Variants in CNIH1 observed in about 807,000 individuals in gnomAD.
CNIH1 encodes the protein protein cornichon homolog 1.
In CNIH1, 12 loss-of-function variants were observed where a neutral mutation model predicts 20.2. The ratio of observed to expected loss-of-function variants is 0.59; its 90% CI spans 0.38 to 0.96. CNIH1 has a LOEUF of 0.96. CNIH1 is among the 40% of genes least tolerant of loss of function. The pLI is 0.00. For missense variants in CNIH1, 152 were observed against 178.8 expected, an observed-to-expected ratio of 0.85 and a Z score of 0.85; for synonymous variants, 69 against 63.3, an observed-to-expected ratio of 1.09 and a Z score of -0.43.
intron 2 of CNIH1, among the ~76,000 whole-genome samples, chr14:54,433,843 T>C (rs2030996866): frequency 6.6e-6 from 1 of 152,180 alleles, no homozygotes; most frequent in Non-Finnish European, 1.5e-5. Context: ...AAAGTGTTAA[T>C]AAAGATAATC....
At chr14:54,439,553 TTTTTTTTTG>T (rs2031126352) in intron 1 of CNIH1, among the ~76,000 whole-genome samples, 1 of 140,124 alleles carries the variant, frequency 7.1e-6, no homozygotes, top group Admixed American at 7.0e-5. Flanking sequence ...TCTTTCTTTC[TTTTTTTTTG>T]TTTTTTTTTT....
Position 54,427,586 on chromosome 14 carries a change from T to C in CNIH1, c.*228A>G. ...GTCAACACCAGAGGTAATCATTTTATATTAATTTATACGTAATACCATTTA... is the reference window on the plus strand; with the variant it reads ...GTCAACACCAGAGGTAATCATTTTACATTAATTTATACGTAATACCATTTA... On this transcript the variant is annotated 3_prime_UTR_variant, in exon 5 of 5. Transcript: ENST00000216416. 1 of 527,820 alleles carries C rather than the reference T, an allele frequency of 1.9e-6. No homozygotes were observed. Among genetic ancestry groups the C allele is most frequent in the Admixed American group, 3.4e-5 (1 of 29,022 alleles). 32.7% of individuals were successfully genotyped at this position (527,820 alleles called of 1,614,324 possible).
At chr14:54,432,366 T>C in intron 2 of CNIH1, 146 bp from the exon 3 acceptor site, 1 of 503,790 alleles carries the variant, frequency 2.0e-6, no homozygotes, top group South Asian at 3.1e-5. Flanking sequence ...GAGTTTTATT[T>C]CCATGTTTAA....
intron 4 of CNIH1, 144 bp downstream of exon 4, chr14:54,430,117 T>C (rs2030904403): frequency 3.8e-6 from 3 of 779,642 alleles, no homozygotes; most frequent in Non-Finnish European, 6.1e-6. Context: ...ACACTGAATG[T>C]GTGCGAATTT....
rs2030961447 is a variant in CNIH1 at position 54,432,122 on chromosome 14, T to C, written c.249A>G (p.Ala83=). ...CTAAATATTACCTCCAAATATGATA[T>C]GCCAAGAGGGGCATATTGAGACCCA... ...LTLGLNMPLL[A]YHIWRYMSRP... is the part of the protein sequence containing the mutation. Residue 83 remains alanine, a synonymous_variant, in exon 3 of 5, where the codon GCA becomes GCG. Coordinates refer to ENST00000216416, the MANE Select transcript of CNIH1 (RefSeq NM_005776.3). 3 of 1,497,762 alleles carry C rather than the reference T, an allele frequency of 2.0e-6. No homozygotes were observed. The highest frequency in any genetic ancestry group is 2.5e-5 in the East Asian group (1 of 40,680). 92.8% of individuals were successfully genotyped at this position (1,497,762 alleles called of 1,614,324 possible). A position where few individuals can be genotyped will look rare whatever the true frequency, so the allele number is the denominator to read the frequency against.
chr14:54,431,714 T>C (rs1594616883), intron 3 of CNIH1, among the ~76,000 whole-genome samples: 1 of 152,134 alleles, frequency 6.6e-6, no homozygotes, highest in South Asian at 2.1e-4. Flanking sequence ...CTAATCTAAG[T>C]TGATAGAGGT....
Position 54,427,689 on chromosome 14 carries a change from T to TC in CNIH1, c.*124dup, listed in dbSNP as rs2030852988. ...GTGGAAACATTTAAAAAATAAGGAGTCATTTTTTAAAGTAACTGATCAGAT... is the reference window on the plus strand; with the variant it reads ...GTGGAAACATTTAAAAAATAAGGAGTCCATTTTTTAAAGTAACTGATCAGAT... On this transcript the variant is annotated 3_prime_UTR_variant, in exon 5 of 5. Transcript: ENST00000216416. 3.2e-6 allele frequency: 3 copies of TC among 947,938 alleles called. No homozygotes were observed. The East Asian group carries it at 7.3e-5, about 23-fold the overall frequency. 58.7% of individuals were successfully genotyped at this position (947,938 alleles called of 1,614,324 possible). A position where few individuals can be genotyped will look rare whatever the true frequency, so the allele number is the denominator to read the frequency against.
At position 54,426,828 on chromosome 14, in the gene CNIH1, T is replaced by G. The variant is rs2030836137; in HGVS notation, c.*986A>C. The G allele has an allele frequency of 2.0e-5, 3 of 152,222 alleles. No individual in the cohort carries two copies. The highest frequency in any genetic ancestry group is 6.5e-5 in the Admixed American group (1 of 15,276). 9.4% of individuals were successfully genotyped at this position (152,222 alleles called of 1,614,324 possible). ...ATGGTATTTTTCAGAAAACCCATAA[T>G]GTAGTACGTCACTTTTTAAAAATGA... On this transcript the variant is annotated 3_prime_UTR_variant, in exon 5 of 5. Coordinates refer to ENST00000216416, the MANE Select transcript of CNIH1 (RefSeq NM_005776.3).
At chr14:54,440,358 T>A (rs2031145163) in intron 1 of CNIH1, among the ~76,000 whole-genome samples, 1 of 152,234 alleles carries the variant, frequency 6.6e-6, no homozygotes. Flanking sequence ...TCAAGGCTTT[T>A]AATTTTGTGC....
At chr14:54,433,143 A>G (rs144078178) in intron 2 of CNIH1, among the ~76,000 whole-genome samples, 1 of 152,352 alleles carries the variant, frequency 6.6e-6, no homozygotes, top group Admixed American at 6.5e-5. Context: ...AAATAAAAAT[A>G]CCAAAACCTC....
intron 2 of CNIH1, among the ~76,000 whole-genome samples, 197 bp from the exon 3 acceptor site, chr14:54,432,417 C>A (rs1297068217): frequency 1.3e-5 from 2 of 152,172 alleles, no homozygotes; most frequent in East Asian, 1.9e-4. Flanking sequence ...CTGACCAGAG[C>A]ATATAGCTTG....
intron 2 of CNIH1, among the ~76,000 whole-genome samples, chr14:54,432,548 T>C (rs1444325842): frequency 6.6e-6 from 1 of 152,230 alleles, no homozygotes; most frequent in Non-Finnish European, 1.5e-5. Flanking sequence ...TAGAATACTT[T>C]TTCTTTTCAC....
intron 2 of CNIH1, among the ~76,000 whole-genome samples, chr14:54,433,172 G>T (rs1340616737): frequency 6.6e-6 from 1 of 152,108 alleles, no homozygotes; most frequent in Admixed American, 6.5e-5. Context: ...AGTTTCAGCC[G>T]AAGTATCTCC....
Position 54,425,782 on chromosome 14 carries a change from G to T in CNIH1, c.*2032C>A, listed in dbSNP as rs1322082815. On this transcript the variant is annotated 3_prime_UTR_variant, in exon 5 of 5. Coordinates refer to ENST00000216416, the MANE Select transcript of CNIH1 (RefSeq NM_005776.3). ...GCTGAAGACTACATATCTTATTTGG[G>T]AAACATGAGAAAATGGCTTCCACAA... 6.6e-6 allele frequency: 1 copy of T among 152,142 alleles called. No individual in the cohort carries two copies. Among genetic ancestry groups the T allele is most frequent in the East Asian group, 1.9e-4 (1 of 5,194 alleles). The allele number at this position is 152,142 out of a possible 1,614,324, so 9.4% of individuals were successfully genotyped here. A position where few individuals can be genotyped will look rare whatever the true frequency, so the allele number is the denominator to read the frequency against.
At position 54,426,101 on chromosome 14, in the gene CNIH1, C is replaced by G. The variant is rs376864925; in HGVS notation, c.*1713G>C. The G allele has an allele frequency of 3.2e-4, 48 of 152,256 alleles. 2 individuals carry two copies. Among genetic ancestry groups the G allele is most frequent in the African/African-American group, 1.1e-3 (47 of 41,542 alleles). 9.4% of individuals were successfully genotyped at this position (152,256 alleles called of 1,614,324 possible). On this transcript the variant is annotated 3_prime_UTR_variant, in exon 5 of 5. Coordinates refer to ENST00000216416, the MANE Select transcript of CNIH1 (RefSeq NM_005776.3). ...GTGCTCAAAGCATGAATCTTGAGAG[C>G]CCAGCAAGTACTCAATAAATAATTT... is the stretch of plus-strand genomic sequence containing the variant.
At chr14:54,437,139 A>T (rs1341864192) in intron 1 of CNIH1, among the ~76,000 whole-genome samples, 1 of 152,180 alleles carries the variant, frequency 6.6e-6, no homozygotes, top group Non-Finnish European at 1.5e-5. Flanking sequence ...CTTCAACCTC[A>T]AGGGTCACTA....
chr14:54,436,227 AAAG>A (rs1594618724), intron 2 of CNIH1, 139 bp downstream of exon 2: 2 of 698,858 alleles, frequency 2.9e-6, no homozygotes, highest in Non-Finnish European at 2.6e-6. Flanking sequence ...ACGACAGGAA[AAAG>A]AAGATTTTTT....
In CNIH1 at chr14:54,436,355, A is replaced by T; in HGVS notation, c.150+14T>A. 7.1e-7 allele frequency: 1 copy of T among 1,401,948 alleles called. No homozygotes were observed. The highest frequency in any genetic ancestry group is 1.4e-5 in the African/African-American group (1 of 70,482). 86.8% of individuals were successfully genotyped at this position (1,401,948 alleles called of 1,614,324 possible). ...TTTTTAAAATCTAAAGATAAATCCT[A>T]TATTATAACTTACGGGATTCAGGGT... On this transcript the variant is annotated intron_variant, in intron 2 of 4. Transcript: ENST00000216416.
At chr14:54,440,679 C>G (rs1377152208) in intron 1 of CNIH1, among the ~76,000 whole-genome samples, 2 of 152,128 alleles carry the variant, frequency 1.3e-5, no homozygotes, top group African/African-American at 2.4e-5. Context: ...ATCAATTGAA[C>G]TTGCATCAAA....
Sources: allele counts gnomAD v4.1 joint callset (sites outside exome capture counted in the v4.1 genomes callset), GRCh38; gene constraint gnomAD v4.1.1; transcripts MANE v1.5; gene names NCBI Gene and HGNC (gene_info 2026-07-23, HGNC 2026-07-21).